The following PTPRN2 variants were observed in gnomAD, a reference collection of about 807,000 sequenced individuals.
PTPRN2 encodes the protein receptor-type tyrosine-protein phosphatase N2.
A neutral mutation model predicts 118.8 loss-of-function variants in PTPRN2; 74 were observed. The ratio of observed to expected loss-of-function variants is 0.62; its 90% CI spans 0.52 to 0.76. The LOEUF is 0.76. Among genes scored for constraint, PTPRN2 ranks in the 30% least tolerant of loss-of-function variants. PTPRN2 has a pLI of 0.00. For synonymous variants in PTPRN2, 641 were observed against 608.0 expected (o/e 1.05, Z -0.80); for missense variants, 1,481 against 1,394.4 (o/e 1.06, Z -0.99).
At chr7:157,842,958 G>A (rs1207642822) in intron 12 of PTPRN2, among the ~76,000 whole-genome samples, 7 of 152,126 alleles carry the variant, frequency 4.6e-5, no homozygotes, top group East Asian at 3.9e-4. Context: ...AATCCACACC[G>A]CAGACACAGA....
chr7:158,368,868 G>C (rs1236572505), intron 2 of PTPRN2, among the ~76,000 whole-genome samples: 5 of 152,230 alleles, frequency 3.3e-5, no homozygotes, highest in Non-Finnish European at 7.3e-5. Context: ...AGAGGAACCA[G>C]AGTGTGATGG....
chr7:157,820,043 C>T (rs1806716847), intron 12 of PTPRN2, among the ~76,000 whole-genome samples: 1 of 151,352 alleles, frequency 6.6e-6, no homozygotes, highest in Non-Finnish European at 1.5e-5. Context: ...CACAGTCACA[C>T]ATGCACCACC....
intron 12 of PTPRN2, among the ~76,000 whole-genome samples, chr7:157,844,895 G>A (rs959914883): frequency 1.3e-5 from 2 of 152,184 alleles, no homozygotes; most frequent in Non-Finnish European, 2.9e-5. Flanking sequence ...GCACTGTGAC[G>A]GCCTTTGTCT....
intron 11 of PTPRN2, among the ~76,000 whole-genome samples, chr7:157,985,183 A>G (rs1803684151): frequency 6.6e-6 from 1 of 152,242 alleles, no homozygotes; most frequent in Non-Finnish European, 1.5e-5. Flanking sequence ...TAAGCCATCC[A>G]GTGCATTCCA....
At chr7:158,152,354 G>A (rs1821280131) in intron 6 of PTPRN2, among the ~76,000 whole-genome samples, 1 of 152,118 alleles carries the variant, frequency 6.6e-6, no homozygotes, top group South Asian at 2.1e-4. Flanking sequence ...GTGAGCATGG[G>A]CCTAGTGGGG....
At chr7:158,406,167 TCATCCATGAGACACGTGGCC>T (rs1813412202) in intron 2 of PTPRN2, among the ~76,000 whole-genome samples, 1 of 117,390 alleles carries the variant, frequency 8.5e-6, no homozygotes, top group African/African-American at 3.3e-5. Flanking sequence ...CCGCAGTGGC[TCATCCATGAGACACGTGGCC>T]GCACACTGAG....
At chr7:158,564,918 T>G (rs2129451135) in intron 1 of PTPRN2, among the ~76,000 whole-genome samples, 1 of 152,298 alleles carries the variant, frequency 6.6e-6, no homozygotes, top group Admixed American at 6.5e-5. Context: ...TGTGCAAGGC[T>G]CGTGCCTTCC....
intron 19 of PTPRN2, among the ~76,000 whole-genome samples, chr7:157,572,729 G>A: frequency 6.6e-6 from 1 of 152,238 alleles, no homozygotes; most frequent in East Asian, 1.9e-4. Context: ...ACTGGACTCG[G>A]CGTGCCCACC....
chr7:158,524,343 G>A (rs1461517191), intron 1 of PTPRN2, among the ~76,000 whole-genome samples: 3 of 74,914 alleles, frequency 4.0e-5, no homozygotes, highest in Admixed American at 1.4e-4. Context: ...GAGTGGAGTC[G>A]TCTACCCTGG....
chr7:157,967,929 CACCAGTGTG>C (rs535271788), intron 11 of PTPRN2, among the ~76,000 whole-genome samples: 77 of 152,334 alleles, frequency 5.1e-4, no homozygotes, highest in Non-Finnish European at 9.0e-4. Context: ...TTGTGATGAA[CACCAGTGTG>C]ACCAGTGTAA....
In PTPRN2 at chr7:158,365,850, C is replaced by CACACACACACACA. The variant is rs57276163; in HGVS notation, c.164-48919_164-48918insTGTGTGTGTGTGT. Among the ~76,000 whole-genome samples the CACACACACACACA allele has an allele frequency of 9.7e-5, 10 of 102,566 alleles. 1 individual carries two copies. In the East Asian group the frequency reaches 2.0e-3, roughly 21 times the overall value. The allele number at this position is 102,566 out of a possible 152,430, so 67.3% of individuals were successfully genotyped here. On this transcript the variant is annotated intron_variant, in intron 2 of 22. Coordinates refer to ENST00000389418, the MANE Select transcript of PTPRN2 (RefSeq NM_002847.5). Reference sequence around the variant, plus strand: ...AGTGCATGCGTGCACACACACACACCCACACACACACAGCATCCCTGGGAG... The same window carrying CACACACACACACA: ...AGTGCATGCGTGCACACACACACACCACACACACACACACACACACACACAGCATCCCTGGGAG...
rs1309979600 is a variant in PTPRN2 at position 157,879,256 on chromosome 7, G to A, written c.1788+19417C>T. Among the ~76,000 whole-genome samples the A allele has an allele frequency of 4.6e-5, 7 of 152,312 alleles. No individual in the cohort carries two copies. In the South Asian group the frequency reaches 1.0e-3, roughly 23 times the overall value. ...TACCGTGCACCCACACTTACTCACC[G>A]AGGAGCTCTTGGATTCTGTGTTTTC... On this transcript the variant is annotated intron_variant, in intron 12 of 22. Coordinates refer to ENST00000389418, the MANE Select transcript of PTPRN2 (RefSeq NM_002847.5).
At chr7:158,514,383 C>A (rs570441472) in intron 1 of PTPRN2, among the ~76,000 whole-genome samples, 2 of 152,294 alleles carry the variant, frequency 1.3e-5, no homozygotes, top group African/African-American at 2.4e-5. Context: ...AAAGGGCATT[C>A]CTCAGAATGA....
intron 12 of PTPRN2, among the ~76,000 whole-genome samples, chr7:157,689,228 G>C (rs1046098011): frequency 6.6e-6 from 1 of 152,238 alleles, no homozygotes; most frequent in Non-Finnish European, 1.5e-5. Flanking sequence ...TTCCTCTCTT[G>C]TTCGATCGCG....
At chr7:157,602,178 A>T (rs776572223) in intron 16 of PTPRN2, among the ~76,000 whole-genome samples, 52 of 152,356 alleles carry the variant, frequency 3.4e-4, no homozygotes, top group Admixed American at 1.3e-3. Flanking sequence ...GAACACATAA[A>T]CAGAAACCTG....
At chr7:158,139,399 A>G (rs1450308996) in intron 6 of PTPRN2, among the ~76,000 whole-genome samples, 1 of 152,208 alleles carries the variant, frequency 6.6e-6, no homozygotes, top group African/African-American at 2.4e-5. Flanking sequence ...GACAGATCAT[A>G]GAAGCGATCA....
At chr7:158,407,973 G>C (rs920275024) in intron 2 of PTPRN2, among the ~76,000 whole-genome samples, 8 of 152,202 alleles carry the variant, frequency 5.3e-5, no homozygotes, top group African/African-American at 1.7e-4. Context: ...ATCTTCAGAA[G>C]ATATCCAATG....
intron 3 of PTPRN2, among the ~76,000 whole-genome samples, chr7:158,207,548 C>T (rs1827253301): frequency 6.6e-6 from 1 of 152,098 alleles, no homozygotes; most frequent in Non-Finnish European, 1.5e-5. Context: ...GCAACCTACT[C>T]ATCTGACAAA....
chr7:158,268,477 T>TG (rs1798046302), intron 3 of PTPRN2, among the ~76,000 whole-genome samples: 1 of 88,344 alleles, frequency 1.1e-5, no homozygotes, highest in African/African-American at 4.5e-5. Flanking sequence ...ACACACAGGG[T>TG]GGGTGTGAAA....
Sources: gnomAD v4.1 joint callset for allele counts (sites outside exome capture counted in the v4.1 genomes callset) on GRCh38, gnomAD v4.1.1 for gene constraint, MANE v1.5 for transcripts, NCBI Gene and HGNC (gene_info 2026-07-23, HGNC 2026-07-21) for gene names.